The following NEO1 variants were observed in gnomAD, a reference collection of about 807,000 sequenced individuals.
NEO1 encodes neogenin 1.
Under a neutral mutation model 159.7 loss-of-function variants are expected in NEO1, and 63 were observed. The ratio of observed to expected loss-of-function variants is 0.39; its 90% CI spans 0.32 to 0.49. The LOEUF is 0.49. NEO1 is among the 20% of genes least tolerant of loss of function. The pLI is 0.85. For missense variants in NEO1, 1,615 were observed against 1,831.0 expected, an observed-to-expected ratio of 0.88 and a Z score of 2.15; for synonymous variants, 633 against 662.0, an observed-to-expected ratio of 0.96 and a Z score of 0.67.
intron 5 of NEO1, among the ~76,000 whole-genome samples, chr15:73,154,230 T>G (rs2033602418): frequency 1.3e-5 from 2 of 151,948 alleles, no homozygotes; most frequent in South Asian, 4.1e-4. Flanking sequence ...AAATTTGTAA[T>G]AGTTGGTGTA....
intron 5 of NEO1, among the ~76,000 whole-genome samples, chr15:73,165,166 A>T (rs977047936): frequency 6.6e-6 from 1 of 151,546 alleles, no homozygotes; most frequent in African/African-American, 2.4e-5. Context: ...TATTTTAAAA[A>T]CAAGTTAAGT....
intron 1 of NEO1, among the ~76,000 whole-genome samples, chr15:73,061,548 A>G (rs1362770030): frequency 6.6e-6 from 1 of 152,198 alleles, no homozygotes; most frequent in Admixed American, 6.5e-5. Context: ...TGGCCATGAC[A>G]TTTATCTTTA....
At chr15:73,296,476 G>A (rs2042374373) in intron 26 of NEO1, among the ~76,000 whole-genome samples, 1 of 152,174 alleles carries the variant, frequency 6.6e-6, no homozygotes, top group African/African-American at 2.4e-5. Context: ...ACTTGGGAGG[G>A]TGTACGAGTC....
intron 1 of NEO1, among the ~76,000 whole-genome samples, chr15:73,100,981 A>G (rs968775112): frequency 6.6e-6 from 1 of 152,192 alleles, no homozygotes; most frequent in South Asian, 2.1e-4. Flanking sequence ...TCCTGTAACT[A>G]ACTACCACCA....
chr15:73,164,001 A>G (rs978658359), intron 5 of NEO1, among the ~76,000 whole-genome samples: 4 of 143,954 alleles, frequency 2.8e-5, no homozygotes, highest in Non-Finnish European at 6.0e-5. Flanking sequence ...CCGTATTTGT[A>G]TTTTGTTTCT....
At chr15:73,136,665 C>A (rs1053634728) in intron 5 of NEO1, among the ~76,000 whole-genome samples, 5 of 152,068 alleles carry the variant, frequency 3.3e-5, no homozygotes, top group African/African-American at 1.2e-4. Context: ...TCCTTTTTCT[C>A]CTACTCTTCC....
At chr15:73,137,085 T>G (rs1161384090) in intron 5 of NEO1, among the ~76,000 whole-genome samples, 1 of 152,156 alleles carries the variant, frequency 6.6e-6, no homozygotes, top group Non-Finnish European at 1.5e-5. Context: ...TAGATACAAT[T>G]AAGACCTGGC....
intron 1 of NEO1, among the ~76,000 whole-genome samples, chr15:73,058,039 C>T (rs1343451666): frequency 6.6e-6 from 1 of 152,068 alleles, no homozygotes; most frequent in East Asian, 1.9e-4. Context: ...TATTTTTTTA[C>T]AGATAAGCAG....
At chr15:73,276,094 T>A (rs2041409449) in intron 21 of NEO1, among the ~76,000 whole-genome samples, 1 of 152,226 alleles carries the variant, frequency 6.6e-6, no homozygotes, top group African/African-American at 2.4e-5. Context: ...AATATATATA[T>A]GCACAGAATA....
intron 9 of NEO1, 120 bp from the exon 10 acceptor site, chr15:73,248,940 A>G (rs1464531992): frequency 1.6e-5 from 15 of 951,464 alleles, no homozygotes; most frequent in Admixed American, 2.4e-5. Context: ...AATCAAATCC[A>G]TTGTTTTCTT....
In NEO1 at chr15:73,302,740, T is replaced by C; in HGVS notation, c.*44T>C. On this transcript the variant is annotated 3_prime_UTR_variant, in exon 29 of 29. Transcript: ENST00000261908. ...GACTTCAAACCTGAGTCTGGAAGTC[T>C]TGGAACTTACCCTTGAAAACAAGGA... is the stretch of plus-strand genomic sequence containing the variant. 1 of 1,535,866 alleles carries C rather than the reference T, an allele frequency of 6.5e-7. No individual in the cohort carries two copies. The highest frequency in any genetic ancestry group is 8.9e-7 in the Non-Finnish European group (1 of 1,118,848).
At chr15:73,227,596 A>G (rs138365905) in intron 7 of NEO1, among the ~76,000 whole-genome samples, 2,060 of 152,288 alleles carry the variant, frequency 0.014, 18 homozygotes, top group South Asian at 0.017. Flanking sequence ...GCAGGCCCTT[A>G]GGTTTCAGCG....
chr15:73,234,313 C>G (rs1430587781), intron 7 of NEO1, among the ~76,000 whole-genome samples: 2 of 152,142 alleles, frequency 1.3e-5, no homozygotes, highest in Non-Finnish European at 2.9e-5. Context: ...ACTTTAAACA[C>G]AGCATATTCA....
chr15:73,292,012 C>T (rs1188963556), intron 25 of NEO1, among the ~76,000 whole-genome samples: 1 of 152,188 alleles, frequency 6.6e-6, no homozygotes, highest in Non-Finnish European at 1.5e-5. Context: ...GAGCCCTCCT[C>T]AGACAGCTTT....
chr15:73,116,423 A>G, intron 1 of NEO1, 117 bp from the exon 2 acceptor site: 2 of 799,802 alleles, frequency 2.5e-6, no homozygotes, highest in East Asian at 2.8e-5. Flanking sequence ...GACTATATTT[A>G]TGTGTCACAT....
At chr15:73,081,828 A>AT (rs1383266254) in intron 1 of NEO1, among the ~76,000 whole-genome samples, 1 of 150,750 alleles carries the variant, frequency 6.6e-6, no homozygotes, top group Admixed American at 6.6e-5. Flanking sequence ...AAGTGCTGGC[A>AT]TTACAGGTAT....
intron 1 of NEO1, among the ~76,000 whole-genome samples, chr15:73,079,089 G>C (rs990814707): frequency 6.6e-6 from 1 of 152,082 alleles, no homozygotes; most frequent in South Asian, 2.1e-4. Flanking sequence ...TTTTTTAATT[G>C]TTCAGAGTTG....
chr15:73,275,725 G>A (rs2041388832), intron 21 of NEO1, among the ~76,000 whole-genome samples: 1 of 152,106 alleles, frequency 6.6e-6, no homozygotes, highest in Non-Finnish European at 1.5e-5. Flanking sequence ...GGGCCTCCAT[G>A]TCACCATTCT....
In NEO1 at chr15:73,298,368, A is replaced by G. The variant is rs778763587; in HGVS notation, c.3922A>G (p.Ser1308Gly). The G allele has an allele frequency of 1.9e-6, 3 of 1,614,228 alleles. No individual in the cohort carries two copies. The highest frequency in any genetic ancestry group is 2.2e-5 in the East Asian group (1 of 44,882). ...NSTESVRNTPSTDTMPASSSQ... is the reference protein window; with the variant it reads ...NSTESVRNTPGTDTMPASSSQ... ...TGTAGAATCCGTTCGAAATACCCCCAGCACTGACACCATGCCAGCCTCTTC... is the reference window on the plus strand; with the variant it reads ...TGTAGAATCCGTTCGAAATACCCCCGGCACTGACACCATGCCAGCCTCTTC... Residue 1308 changes from serine to glycine, a missense_variant, in exon 27 of 29, where the codon AGC becomes GGC. Ser to Gly is a moderately conservative substitution (Grantham distance 56). Transcript: ENST00000261908.
Sources: gnomAD v4.1 joint callset for allele counts (sites outside exome capture counted in the v4.1 genomes callset) on GRCh38, gnomAD v4.1.1 for gene constraint, MANE v1.5 for transcripts, NCBI Gene and HGNC (gene_info 2026-07-23, HGNC 2026-07-21) for gene names.